The following LRP1B variants were observed in gnomAD, a reference collection of about 807,000 sequenced individuals.
The protein encoded by LRP1B is low-density lipoprotein receptor-related protein 1B.
LRP1B carries 217 observed loss-of-function variants against 556.6 expected under a neutral mutation model. The ratio of observed to expected loss-of-function variants is 0.39; its 90% CI spans 0.35 to 0.44. LRP1B has a LOEUF of 0.44. Among genes scored for constraint, LRP1B ranks in the 20% least tolerant of loss-of-function variants. The probability of loss-of-function intolerance (pLI) is 1.00; values close to 1 mark genes in which losing one functional copy is unlikely to be tolerated. For missense variants in LRP1B, 5,053 were observed against 5,620.8 expected (o/e 0.90, Z 3.23); for synonymous variants, 2,047 against 1,865.8 (o/e 1.10, Z -2.50).
intron 8 of LRP1B, among the ~76,000 whole-genome samples, chr2:141,060,757 G>T (rs528962170): frequency 5.5e-4 from 84 of 151,766 alleles, no homozygotes; most frequent in Middle Eastern, 3.4e-3. Context: ...CCTAAAACAG[G>T]CACCTCTGCT....
intron 7 of LRP1B, among the ~76,000 whole-genome samples, chr2:141,069,998 C>T (rs1273134337): frequency 6.9e-6 from 1 of 145,770 alleles, no homozygotes; most frequent in Admixed American, 7.0e-5. Flanking sequence ...GTTCCCCTTC[C>T]TGTGTCCATG....
chr2:141,075,791 A>G (rs1290012098), intron 7 of LRP1B, among the ~76,000 whole-genome samples: 2 of 152,212 alleles, frequency 1.3e-5, no homozygotes, highest in Admixed American at 1.3e-4. Context: ...TATGCTAATT[A>G]CCAGTTAGCT....
intron 20 of LRP1B, among the ~76,000 whole-genome samples, chr2:140,942,329 AG>A (rs1695425167): frequency 6.6e-6 from 1 of 152,204 alleles, no homozygotes. Context: ...CTGGCATTCC[AG>A]GGAGACAGGA....
At chr2:141,380,575 T>TA (rs1689600530) in intron 3 of LRP1B, among the ~76,000 whole-genome samples, 1 of 152,198 alleles carries the variant, frequency 6.6e-6, no homozygotes, top group Non-Finnish European at 1.5e-5. Flanking sequence ...TGACAGGGCT[T>TA]GGAATTCATT....
intron 1 of LRP1B, among the ~76,000 whole-genome samples, chr2:141,993,254 C>T (rs957845978): frequency 6.6e-6 from 1 of 152,038 alleles, no homozygotes; most frequent in Admixed American, 6.6e-5. Context: ...TGCTAAACTG[C>T]TAATTATAGG....
chr2:141,478,808 G>A (rs1682810492), intron 3 of LRP1B, among the ~76,000 whole-genome samples: 1 of 152,086 alleles, frequency 6.6e-6, no homozygotes, highest in South Asian at 2.1e-4. Flanking sequence ...GCCTCCCAAA[G>A]TGCTGGGATT....
chr2:141,674,559 A>G (rs1468511835), intron 2 of LRP1B, among the ~76,000 whole-genome samples: 1 of 152,056 alleles, frequency 6.6e-6, no homozygotes, highest in African/African-American at 2.4e-5. Context: ...ATAATTAATA[A>G]TAATCATACT....
chr2:141,159,076 G>GA (rs1485681783), intron 7 of LRP1B, among the ~76,000 whole-genome samples: 2 of 152,122 alleles, frequency 1.3e-5, no homozygotes, highest in Non-Finnish European at 2.9e-5. Context: ...GTGAAGGAAA[G>GA]AAAAGGAAAT....
intron 1 of LRP1B, among the ~76,000 whole-genome samples, chr2:142,117,573 T>C (rs1300894681): frequency 1.3e-5 from 2 of 152,134 alleles, no homozygotes; most frequent in East Asian, 1.9e-4. Context: ...CAACTTGCTT[T>C]ATTGGTTCCC....
intron 1 of LRP1B, among the ~76,000 whole-genome samples, chr2:142,034,253 A>G (rs1436721419): frequency 6.6e-6 from 1 of 151,816 alleles, no homozygotes; most frequent in African/African-American, 2.4e-5. Context: ...AAAGAGTATA[A>G]TATGATCAGA....
chr2:141,619,788 T>C (rs1324813201), intron 2 of LRP1B, among the ~76,000 whole-genome samples: 1 of 148,166 alleles, frequency 6.7e-6, no homozygotes, highest in African/African-American at 2.5e-5. Context: ...AACACAGAGG[T>C]ACAGCTTTTA....
chr2:142,009,526 A>T (rs1377357903), intron 1 of LRP1B, among the ~76,000 whole-genome samples: 3 of 152,136 alleles, frequency 2.0e-5, no homozygotes. Flanking sequence ...CACGTGTTGT[A>T]TGGGATCCTC....
chr2:142,041,474 G>T (rs1245099116), intron 1 of LRP1B, among the ~76,000 whole-genome samples: 1 of 151,374 alleles, frequency 6.6e-6, no homozygotes, highest in Non-Finnish European at 1.5e-5. Context: ...TTTGGCTGAG[G>T]CAATGCTTTT....
intron 3 of LRP1B, among the ~76,000 whole-genome samples, chr2:141,387,304 C>T (rs972122282): frequency 6.6e-6 from 1 of 151,646 alleles, no homozygotes; most frequent in African/African-American, 2.4e-5. Flanking sequence ...CCAAAGCTAG[C>T]AGAAGAAAGG....
intron 66 of LRP1B, among the ~76,000 whole-genome samples, chr2:140,415,729 A>T (rs933867218): frequency 6.6e-6 from 1 of 152,164 alleles, no homozygotes; most frequent in East Asian, 1.9e-4. Flanking sequence ...AGGAGCAGAC[A>T]TCCTGCCTGT....
At chr2:142,065,952 A>G (rs572785709) in intron 1 of LRP1B, among the ~76,000 whole-genome samples, 5 of 151,414 alleles carry the variant, frequency 3.3e-5, no homozygotes, top group Admixed American at 1.3e-4. Flanking sequence ...CTGTGGGTTC[A>G]TGAAATCCCT....
chr2:140,321,491 G>A (rs1395490140), intron 82 of LRP1B, among the ~76,000 whole-genome samples: 1 of 151,784 alleles, frequency 6.6e-6, no homozygotes, highest in Admixed American at 6.6e-5. Flanking sequence ...AGTAGTAGTA[G>A]TATTGTAAGT....
intron 1 of LRP1B, among the ~76,000 whole-genome samples, chr2:141,906,679 T>C (rs1699769227): frequency 2.0e-5 from 3 of 152,002 alleles, no homozygotes; most frequent in Admixed American, 1.3e-4. Flanking sequence ...TATAATAAAA[T>C]AATTTTCTCC....
intron 3 of LRP1B, among the ~76,000 whole-genome samples, chr2:141,478,820 C>T (rs1682810884): frequency 6.6e-6 from 1 of 152,120 alleles, no homozygotes; most frequent in South Asian, 2.1e-4. Flanking sequence ...GCTGGGATTA[C>T]AGGAGTGAGC....
Sources: gnomAD v4.1 joint callset for allele counts (sites outside exome capture counted in the v4.1 genomes callset) on GRCh38, gnomAD v4.1.1 for gene constraint, MANE v1.5 for transcripts, NCBI Gene and HGNC (gene_info 2026-07-23, HGNC 2026-07-21) for gene names.